ARHGAP24: variants seen among roughly 807,000 people sequenced by gnomAD.
ARHGAP24 encodes Rho GTPase activating protein 24, also known as rho GTPase-activating protein 24.
A neutral mutation model predicts 76.4 loss-of-function variants in ARHGAP24; 50 were observed. The observed-to-expected ratio is 0.65, with a 90% CI of 0.52 to 0.83. The LOEUF (loss-of-function observed/expected upper bound fraction) is 0.83, where lower values mean the gene tolerates loss of function less well. ARHGAP24 is among the 40% of genes least tolerant of loss of function. ARHGAP24 has a pLI of 0.00. For synonymous variants in ARHGAP24, 345 were observed against 323.3 expected (o/e 1.07, Z -0.72); for missense variants, 930 against 914.2 (o/e 1.02, Z -0.22).
At chr4:85,876,096 G>A (rs374674022) in intron 3 of ARHGAP24, among the ~76,000 whole-genome samples, 23 of 152,130 alleles carry the variant, frequency 1.5e-4, no homozygotes, top group East Asian at 5.8e-4. Context: ...TTATAAAAGC[G>A]ATTATTTTGG....
chr4:85,545,892 T>C (rs1481795577), intron 1 of ARHGAP24, among the ~76,000 whole-genome samples: 1 of 152,210 alleles, frequency 6.6e-6, no homozygotes, highest in Non-Finnish European at 1.5e-5. Context: ...AATTTTTGAA[T>C]GTCTGGGGCT....
chr4:85,510,804 C>T (rs1292027123), intron 1 of ARHGAP24, among the ~76,000 whole-genome samples: 1 of 71,632 alleles, frequency 1.4e-5, no homozygotes, highest in Non-Finnish European at 3.0e-5. Context: ...CCTCCCCTTC[C>T]TCCTCCTCCT....
At chr4:85,789,132 C>G (rs1436378500) in intron 3 of ARHGAP24, among the ~76,000 whole-genome samples, 22 of 151,566 alleles carry the variant, frequency 1.5e-4, no homozygotes, top group Non-Finnish European at 5.9e-5. Context: ...AGCACTCAAC[C>G]TCCAGAGGCA....
At chr4:86,000,262 C>CTAA (rs1189672471) in intron 9 of ARHGAP24, 2 of 436,484 alleles carry the variant, frequency 4.6e-6, no homozygotes, top group African/African-American at 2.0e-5. Flanking sequence ...GCCTTGGGAC[C>CTAA]TAATGACTAA....
intron 2 of ARHGAP24, among the ~76,000 whole-genome samples, chr4:85,683,845 A>G (rs1028218642): frequency 6.6e-6 from 1 of 152,214 alleles, no homozygotes; most frequent in Non-Finnish European, 1.5e-5. Context: ...TGTAAGTGGA[A>G]TAATGCAATA....
At chr4:85,874,938 T>TAAATATATTTTTATATAATTTATATATA (rs370946841) in intron 3 of ARHGAP24, among the ~76,000 whole-genome samples, 199 of 11,518 alleles carry the variant, frequency 0.017, 31 homozygotes, top group East Asian at 0.063. Context: ...AATTTATATA[T>TAAATATATTTTTATATAATTTATATATA]AATATATTTT....
intron 2 of ARHGAP24, among the ~76,000 whole-genome samples, chr4:85,589,752 A>G (rs1302103313): frequency 6.6e-6 from 1 of 152,250 alleles, no homozygotes; most frequent in African/African-American, 2.4e-5. Flanking sequence ...CCATTAGGTC[A>G]AAATACTTTA....
At chr4:85,701,190 C>A (rs11731040) in intron 2 of ARHGAP24, among the ~76,000 whole-genome samples, 1 of 152,084 alleles carries the variant, frequency 6.6e-6, no homozygotes, top group Non-Finnish European at 1.5e-5. Context: ...TTTCTTCTTG[C>A]GTATGGCCAC....
chr4:85,513,152 C>A (rs1724349414), intron 1 of ARHGAP24, among the ~76,000 whole-genome samples: 1 of 152,216 alleles, frequency 6.6e-6, no homozygotes, highest in Admixed American at 6.5e-5. Flanking sequence ...AGAAACATCT[C>A]CATCAGGAGG....
chr4:85,683,103 AGTGT>A (rs796250011), intron 2 of ARHGAP24, among the ~76,000 whole-genome samples: 1 of 16,098 alleles, frequency 6.2e-5, no homozygotes, highest in Non-Finnish European at 1.1e-4. Flanking sequence ...TAACTCTCTC[AGTGT>A]GTGGGGGGGT....
At chr4:85,926,277 A>G (rs1736019220) in intron 4 of ARHGAP24, among the ~76,000 whole-genome samples, 1 of 152,222 alleles carries the variant, frequency 6.6e-6, no homozygotes, top group African/African-American at 2.4e-5. Context: ...ATTTACATTT[A>G]AAGAGATGTA....
intron 8 of ARHGAP24, among the ~76,000 whole-genome samples, chr4:85,978,486 A>T: frequency 6.6e-6 from 1 of 152,104 alleles, no homozygotes; most frequent in East Asian, 1.9e-4. Flanking sequence ...GCATCACTTC[A>T]GTTTGATTTC....
intron 3 of ARHGAP24, among the ~76,000 whole-genome samples, chr4:85,871,456 T>G (rs1732519939): frequency 6.6e-6 from 1 of 152,192 alleles, no homozygotes; most frequent in Non-Finnish European, 1.5e-5. Context: ...TTGACAACTG[T>G]TTTGTAACAT....
chr4:85,825,933 G>C (rs191698265), intron 3 of ARHGAP24, among the ~76,000 whole-genome samples: 87 of 152,278 alleles, frequency 5.7e-4, no homozygotes, highest in Non-Finnish European at 1.1e-3. Flanking sequence ...GATCTTGATT[G>C]TAATTCTAAC....
At chr4:85,938,741 A>G (rs7442034) in intron 4 of ARHGAP24, among the ~76,000 whole-genome samples, 30,587 of 151,996 alleles carry the variant, frequency 0.2, 3,327 homozygotes, top group South Asian at 0.39. Flanking sequence ...TATATATTAT[A>G]CTGCTGTATT....
intron 8 of ARHGAP24, among the ~76,000 whole-genome samples, chr4:85,994,123 T>C (rs1251571305): frequency 6.6e-6 from 1 of 152,148 alleles, no homozygotes; most frequent in Non-Finnish European, 1.5e-5. Flanking sequence ...TAAAATATCT[T>C]GATAGTTTGA....
intron 3 of ARHGAP24, among the ~76,000 whole-genome samples, chr4:85,865,882 C>G (rs1341474232): frequency 9.2e-5 from 14 of 151,714 alleles, no homozygotes; most frequent in Non-Finnish European, 2.9e-5. Context: ...GTATATAGTT[C>G]TACAGATTTT....
intron 4 of ARHGAP24, among the ~76,000 whole-genome samples, chr4:85,930,082 A>C (rs1013901718): frequency 2.0e-5 from 3 of 152,122 alleles, no homozygotes; most frequent in Non-Finnish European, 2.9e-5. Context: ...CGGGCACTGG[A>C]AGCAGCCGCA....
At chr4:85,673,853 C>T (rs967698282) in intron 2 of ARHGAP24, among the ~76,000 whole-genome samples, 1 of 151,628 alleles carries the variant, frequency 6.6e-6, no homozygotes, top group Non-Finnish European at 1.5e-5. Context: ...GTTCCTTAGT[C>T]TGGCAAAGCA....
Sources: allele counts gnomAD v4.1 joint callset (sites outside exome capture counted in the v4.1 genomes callset), GRCh38; gene constraint gnomAD v4.1.1; transcripts MANE v1.5; gene names NCBI Gene and HGNC (gene_info 2026-07-23, HGNC 2026-07-21).